Variants in CAST observed in about 807,000 individuals in gnomAD.
CAST encodes the protein calpastatin.
A neutral mutation model predicts 119.6 loss-of-function variants in CAST; 76 were observed. That is an observed-to-expected ratio of 0.64 (90% CI 0.53 to 0.77). The LOEUF (loss-of-function observed/expected upper bound fraction) is 0.77. Ranked by LOEUF, CAST falls within the 30% of genes least tolerant of loss-of-function variation. The probability of loss-of-function intolerance (pLI) is 0.00; values close to 1 mark genes in which losing one functional copy is unlikely to be tolerated. For missense variants in CAST, 953 were observed against 946.5 expected (o/e 1.01, Z -0.09); for synonymous variants, 319 against 331.6 (o/e 0.96, Z 0.41).
intron 1 of CAST, among the ~76,000 whole-genome samples, chr5:96,671,464 C>T (rs919396308): frequency 9.2e-5 from 14 of 152,168 alleles, no homozygotes; most frequent in African/African-American, 3.4e-4. Flanking sequence ...TCCTAGTTAG[C>T]TTTTAACTAG....
chr5:95,961,733 C>T, the CAST span: 5 of 1,592,516 alleles, frequency 3.1e-6, no homozygotes, highest in African/African-American at 5.5e-5. Context: ...TTAAACTCCC[C>T]GGGGTGCCGC....
chr5:96,611,046 C>T (rs1747352015), intron 1 of CAST, among the ~76,000 whole-genome samples: 3 of 152,066 alleles, frequency 2.0e-5, no homozygotes, highest in Admixed American at 1.3e-4. Flanking sequence ...CATGGGAAAA[C>T]ATTCCATGCT....
chr5:96,727,973 C>T (rs1163256399), intron 6 of CAST, among the ~76,000 whole-genome samples: 4 of 152,076 alleles, frequency 2.6e-5, no homozygotes, highest in Non-Finnish European at 4.4e-5. Flanking sequence ...CTGGGTTTAT[C>T]GTGACAGTCT....
chr5:96,441,921 C>G, the CAST span, among the ~76,000 whole-genome samples: 15 of 152,170 alleles, frequency 9.9e-5, no homozygotes, highest in African/African-American at 3.1e-4. Flanking sequence ...TTGGATCCAG[C>G]CTGCAAGAGC....
the CAST span, among the ~76,000 whole-genome samples, chr5:96,219,054 A>G: frequency 6.6e-6 from 1 of 152,218 alleles, no homozygotes; most frequent in Non-Finnish European, 1.5e-5. Flanking sequence ...GCTACGTAGT[A>G]TATGCCTGGC....
At chr5:96,097,408 G>A in the CAST span, among the ~76,000 whole-genome samples, 2 of 151,434 alleles carry the variant, frequency 1.3e-5, no homozygotes. Flanking sequence ...CTTGTGCCAT[G>A]GGGTTTGTTG....
chr5:96,511,191 C>G, the CAST span, among the ~76,000 whole-genome samples: 1 of 152,356 alleles, frequency 6.6e-6, no homozygotes, highest in South Asian at 2.1e-4. Context: ...TGTCACCAGG[C>G]TGGAGTGCAG....
the CAST span, among the ~76,000 whole-genome samples, chr5:96,409,220 C>A: frequency 6.6e-6 from 1 of 152,182 alleles, no homozygotes; most frequent in Non-Finnish European, 1.5e-5. Context: ...GGATTACTAA[C>A]AAGACACCCA....
the CAST span, among the ~76,000 whole-genome samples, chr5:96,191,393 A>C: frequency 8.6e-4 from 131 of 152,344 alleles, 2 homozygotes; most frequent in South Asian, 4.1e-4. Flanking sequence ...TAACAATAAC[A>C]GTAAAAGGAA....
chr5:96,383,628 A>G, the CAST span, among the ~76,000 whole-genome samples: 1 of 152,090 alleles, frequency 6.6e-6, no homozygotes, highest in South Asian at 2.1e-4. Flanking sequence ...TTGTATTTTT[A>G]GTAGAGATGA....
rs1375372933 is a variant in CAST at position 96,774,181 on chromosome 5, A to C, written c.*1565A>C. 3.2e-5 allele frequency: 5 copies of C among 153,924 alleles called. No individual in the cohort carries two copies. The highest frequency in any genetic ancestry group is 1.2e-4 in the African/African-American group (5 of 41,446). The allele number at this position is 153,924 out of a possible 1,614,324, so 9.5% of individuals were successfully genotyped here. ...GCTTTTTTGTTTTCTTTTTTTAAGAAAAACCTTGAAACCTTTGACACTGAC... is the reference window on the plus strand; with the variant it reads ...GCTTTTTTGTTTTCTTTTTTTAAGACAAACCTTGAAACCTTTGACACTGAC... On this transcript the variant is annotated 3_prime_UTR_variant, in exon 32 of 32. Transcript: ENST00000675179.
At chr5:96,099,861 G>A in the CAST span, among the ~76,000 whole-genome samples, 4,236 of 152,254 alleles carry the variant, frequency 0.028, 184 homozygotes, top group African/African-American at 0.096. Flanking sequence ...TTAGAAAGGA[G>A]TCCCTCCTCC....
chr5:96,534,781 GAAAGAAAGAAAGAAAGAAAGAAGAAAGA>G (rs1180376678), intron 1 of CAST, among the ~76,000 whole-genome samples: 133 of 114,522 alleles, frequency 1.2e-3, no homozygotes, highest in African/African-American at 4.2e-3. Flanking sequence ...AAGAAAGAAA[GAAAGAAAGAAAGAAAGAAAGAAGAAAGA>G]AAGAAAGAAA....
At chr5:96,733,490 A>T (rs1227653570) in intron 9 of CAST, among the ~76,000 whole-genome samples, 4 of 152,240 alleles carry the variant, frequency 2.6e-5, no homozygotes, top group Non-Finnish European at 5.9e-5. Context: ...CAATAAAATT[A>T]GGAGAGGCTT....
the CAST span, among the ~76,000 whole-genome samples, chr5:96,482,130 G>T: frequency 5.3e-5 from 8 of 152,180 alleles, no homozygotes; most frequent in Admixed American, 2.6e-4. Flanking sequence ...AACAGTGAAA[G>T]ATCTGACCTT....
the CAST span, among the ~76,000 whole-genome samples, chr5:96,087,991 C>CAACA: frequency 8.8e-4 from 134 of 152,292 alleles, no homozygotes; most frequent in Non-Finnish European, 1.4e-3. Context: ...AAACAACTCC[C>CAACA]AACAATGCCT....
At chr5:96,060,547 G>A in the CAST span, among the ~76,000 whole-genome samples, 6 of 151,942 alleles carry the variant, frequency 3.9e-5, no homozygotes, top group East Asian at 1.9e-4. Context: ...CGGCCTCTTC[G>A]AGTTCTGGAA....
chr5:96,407,626 C>T, the CAST span, among the ~76,000 whole-genome samples: 9 of 152,252 alleles, frequency 5.9e-5, no homozygotes, highest in Non-Finnish European at 1.3e-4. Flanking sequence ...TCAGAGATGA[C>T]AACTAATATT....
At chr5:96,579,272 G>A (rs1746729600) in intron 1 of CAST, among the ~76,000 whole-genome samples, 1 of 152,104 alleles carries the variant, frequency 6.6e-6, no homozygotes. Context: ...GGTGTCCCTG[G>A]GCAGGGTCCT....
Sources: gnomAD v4.1 joint callset for allele counts (sites outside exome capture counted in the v4.1 genomes callset) on GRCh38, gnomAD v4.1.1 for gene constraint, MANE v1.5 for transcripts, NCBI Gene and HGNC (gene_info 2026-07-23, HGNC 2026-07-21) for gene names.